Variants in MGST1 observed in about 807,000 individuals in gnomAD.
MGST1 encodes microsomal glutathione S-transferase 1.
In MGST1, 5 loss-of-function variants were observed where a neutral mutation model predicts 8.9. That is an observed-to-expected ratio of 0.56 (90% CI 0.29 to 1.19). The LOEUF is 1.19. Ranked by LOEUF, MGST1 falls within the 50% of genes most tolerant of loss-of-function variation. The pLI is 0.08. For missense variants in MGST1, 182 were observed against 187.4 expected (o/e 0.97, Z 0.17); for synonymous variants, 54 against 67.8 (o/e 0.80, Z 1.00).
chr12:16,445,906 G>A (rs1941076143), intron 4 of MGST1, among the ~76,000 whole-genome samples: 1 of 151,858 alleles, frequency 6.6e-6, no homozygotes, highest in South Asian at 2.1e-4. Flanking sequence ...CTTGGCATGG[G>A]TATTAGTTTC....
At chr12:16,447,975 T>C (rs1395005607) in intron 4 of MGST1, among the ~76,000 whole-genome samples, 5 of 151,948 alleles carry the variant, frequency 3.3e-5, no homozygotes, top group Admixed American at 6.6e-5. Context: ...CTGGACATCT[T>C]GTATGTTCTG....
At chr12:16,495,651 A>C (rs1941465068) in intron 4 of MGST1, among the ~76,000 whole-genome samples, 1 of 151,840 alleles carries the variant, frequency 6.6e-6, no homozygotes, top group African/African-American at 2.4e-5. Context: ...GGATCTAGTA[A>C]GTGTACTTAC....
chr12:16,439,058 G>A (rs1437572859), downstream of MGST1, among the ~76,000 whole-genome samples: 1 of 151,392 alleles, frequency 6.6e-6, no homozygotes, highest in African/African-American at 2.4e-5. Flanking sequence ...GATGAAAGGT[G>A]AAGAATCTCC....
intron 4 of MGST1, among the ~76,000 whole-genome samples, chr12:16,460,669 C>G (rs1941211960): frequency 6.8e-6 from 1 of 147,860 alleles, no homozygotes; most frequent in Admixed American, 6.8e-5. Flanking sequence ...TTAATAACTT[C>G]TAACTCATTC....
chr12:16,451,658 A>AT (rs1295480498), intron 4 of MGST1, among the ~76,000 whole-genome samples: 3 of 151,812 alleles, frequency 2.0e-5, no homozygotes, highest in African/African-American at 4.8e-5. Context: ...CACTATCTAT[A>AT]TTTTTTTAAG....
chr12:16,408,629 A>G (rs573166960), intron 1 of MGST1, among the ~76,000 whole-genome samples: 2 of 152,214 alleles, frequency 1.3e-5, no homozygotes, highest in Non-Finnish European at 2.9e-5. Context: ...GGAAATTTTT[A>G]TCCTATTTTA....
intron 4 of MGST1, among the ~76,000 whole-genome samples, chr12:16,516,200 C>T (rs948171852): frequency 8.5e-5 from 13 of 152,118 alleles, no homozygotes; most frequent in East Asian, 1.9e-4. Flanking sequence ...TAGGTAAGGG[C>T]GCTTCACACA....
chr12:16,574,409 A>G (rs748949986), intron 4 of MGST1, among the ~76,000 whole-genome samples: 1 of 152,114 alleles, frequency 6.6e-6, no homozygotes, highest in South Asian at 2.1e-4. Flanking sequence ...CCAGTCACGG[A>G]TTTGCTGCTC....
downstream of MGST1, among the ~76,000 whole-genome samples, chr12:16,365,032 G>A (rs1047383909): frequency 1.3e-5 from 2 of 152,032 alleles, no homozygotes; most frequent in Non-Finnish European, 2.9e-5. Context: ...ACATCAACAG[G>A]CATATGATAT....
chr12:16,372,845 T>C (rs1490768805), intron 3 of MGST1, among the ~76,000 whole-genome samples: 1 of 144,056 alleles, frequency 6.9e-6, no homozygotes. Flanking sequence ...CATTATATAT[T>C]ATATGTTACA....
intron 4 of MGST1, among the ~76,000 whole-genome samples, chr12:16,529,801 G>A (rs1941711080): frequency 1.3e-5 from 2 of 151,996 alleles, no homozygotes; most frequent in Admixed American, 1.3e-4. Context: ...ATCTATAATT[G>A]TAAATTCATG....
intron 2 of MGST1, 72 bp from the exon 3 acceptor site, chr12:16,357,533 T>A: frequency 8.5e-7 from 1 of 1,175,020 alleles, no homozygotes; most frequent in Non-Finnish European, 1.2e-6. Flanking sequence ...CACAAAGCGC[T>A]GGAATTACAG....
chr12:16,387,123 T>G (rs1305773452), intron 1 of MGST1, among the ~76,000 whole-genome samples: 1 of 152,204 alleles, frequency 6.6e-6, no homozygotes, highest in Non-Finnish European at 1.5e-5. Context: ...TTTACAAACT[T>G]TATAATCTTT....
intron 4 of MGST1, among the ~76,000 whole-genome samples, chr12:16,520,992 A>G (rs1279906587): frequency 6.6e-6 from 1 of 152,046 alleles, no homozygotes; most frequent in East Asian, 1.9e-4. Context: ...TTTTGCACTT[A>G]ATAAGCACAC....
chr12:16,400,318 A>G (rs919755100), intron 1 of MGST1: 14 of 800,988 alleles, frequency 1.7e-5, no homozygotes, highest in African/African-American at 1.7e-4. Flanking sequence ...AGCATGCTTA[A>G]TATTATTGTA....
At chr12:16,578,818 AAACAACAACAAC>A (rs201327858) in intron 4 of MGST1, among the ~76,000 whole-genome samples, 6,758 of 141,070 alleles carry the variant, frequency 0.048, 497 homozygotes, top group African/African-American at 0.2. Flanking sequence ...ATTCTGTCTC[AAACAACAACAAC>A]AACAACAACA....
At chr12:16,589,641 C>T (rs1943429353), downstream of MGST1, 1 of 151,962 alleles carries the variant, frequency 6.6e-6, no homozygotes, top group African/African-American at 2.4e-5. The surrounding 1 kb of genome is among the most constrained non-coding windows in gnomAD (Gnocchi z 4.2). Flanking sequence ...CTATCACTGA[C>T]AAGATTATTT....
chr12:16,456,112 A>C (rs1352964526), intron 4 of MGST1, among the ~76,000 whole-genome samples: 1 of 151,832 alleles, frequency 6.6e-6, no homozygotes, highest in South Asian at 2.1e-4. Flanking sequence ...TATATGCCTG[A>C]TATCGTGCCC....
At chr12:16,483,479 A>G (rs1440288364) in intron 4 of MGST1, among the ~76,000 whole-genome samples, 1 of 152,164 alleles carries the variant, frequency 6.6e-6, no homozygotes, top group Non-Finnish European at 1.5e-5. Flanking sequence ...AATAGAGCAT[A>G]AAACAAGATA....
Sources: allele counts gnomAD v4.1 joint callset (sites outside exome capture counted in the v4.1 genomes callset), GRCh38; gene constraint gnomAD v4.1.1; non-coding constraint Gnocchi (gnomAD v3.1); transcripts MANE v1.5; gene names NCBI Gene and HGNC (gene_info 2026-07-23, HGNC 2026-07-21).